Variants in CHST15 observed in about 807,000 individuals in gnomAD.
The protein encoded by CHST15 is B cell RAG associated protein (GALNAC4S-6ST).
A neutral mutation model predicts 53.6 loss-of-function variants in CHST15; 30 were observed. That is an observed-to-expected ratio of 0.56 (90% CI 0.42 to 0.76). The LOEUF (loss-of-function observed/expected upper bound fraction) is 0.76, where lower values mean the gene tolerates loss of function less well. Ranked by LOEUF, CHST15 falls within the 30% of genes least tolerant of loss-of-function variation. CHST15 has a pLI of 0.00. For synonymous variants in CHST15, 296 were observed against 289.8 expected (o/e 1.02, Z -0.22); for missense variants, 627 against 740.5 (o/e 0.85, Z 1.78).
chr10:124,019,444 A>G lies in CHST15; in HGVS notation c.1347+1812T>C, dbSNP rs1172494173. ...TGTGCTGGTCAAGCCACACACAAATAGAGTTTCTCCGAGACCCTGTGTCCC... is the reference window on the plus strand; with the variant it reads ...TGTGCTGGTCAAGCCACACACAAATGGAGTTTCTCCGAGACCCTGTGTCCC... On this transcript the variant is annotated intron_variant, in intron 6 of 7. Coordinates refer to ENST00000435907, the MANE Select transcript of CHST15 (RefSeq NM_001270764.2). This position sits in a 1 kb window ranked among gnomAD's most constrained non-coding sequence, Gnocchi z 4.6. Among the ~76,000 whole-genome samples, 1 of 152,092 alleles carries G rather than the reference A, an allele frequency of 6.6e-6. No homozygotes were observed. The highest frequency in any genetic ancestry group is 1.5e-5 in the Non-Finnish European group (1 of 68,028).
chr10:124,092,620 C>G (rs1490110250), intron 1 of CHST15, among the ~76,000 whole-genome samples: 1 of 152,224 alleles, frequency 6.6e-6, no homozygotes, highest in Non-Finnish European at 1.5e-5. Context: ...CTCTGGCCTC[C>G]CCGCCCGGAA....
chr10:124,055,634 G>A (rs192184347), intron 1 of CHST15, among the ~76,000 whole-genome samples: 17 of 152,244 alleles, frequency 1.1e-4, no homozygotes, highest in African/African-American at 4.1e-4. Context: ...AGGATCATTC[G>A]GGCACCCCTG....
chr10:124,059,770 G>A (rs185719776), intron 1 of CHST15, among the ~76,000 whole-genome samples: 4 of 152,284 alleles, frequency 2.6e-5, no homozygotes, highest in Non-Finnish European at 4.4e-5. Flanking sequence ...TTGCTGATCC[G>A]GGTAGTTCTA....
intron 1 of CHST15, among the ~76,000 whole-genome samples, 166 bp from the exon 2 acceptor site, chr10:124,046,890 G>A (rs1948022894): frequency 6.6e-6 from 1 of 152,146 alleles, no homozygotes; most frequent in Admixed American, 6.5e-5. Context: ...TAAAGGAAGA[G>A]GTTTCAGGTT....
intron 1 of CHST15, among the ~76,000 whole-genome samples, chr10:124,073,568 C>A (rs1468730196): frequency 6.6e-6 from 1 of 152,122 alleles, no homozygotes; most frequent in Admixed American, 6.6e-5. Flanking sequence ...AGGTTATACT[C>A]CAATTCCTTA....
At chr10:124,045,547 G>C in intron 2 of CHST15, 120 bp downstream of exon 2, 6 of 999,392 alleles carry the variant, frequency 6.0e-6, no homozygotes, top group Non-Finnish European at 9.0e-6. Flanking sequence ...AATGATCCTT[G>C]CTACATCTAA....
rs758588551 is a variant in CHST15, at chr10:124,046,055, T to A, written c.158A>T (p.Asn53Ile). 1 of 1,614,248 alleles carries A rather than the reference T, an allele frequency of 6.2e-7. No homozygotes were observed. Among genetic ancestry groups the A allele is most frequent in the South Asian group, 1.1e-5 (1 of 91,084 alleles). Residue 53 changes from asparagine to isoleucine, a missense_variant, in exon 2 of 8, where the codon AAC (asparagine) becomes ATC (isoleucine). Physicochemically the swap from Asn to Ile is moderately radical, Grantham distance 149. Around this residue, in one of 3 missense-constraint regions of CHST15, gnomAD observed 187 missense variants for 251.8 expected, o/e 0.74. Transcript: ENST00000435907. ...ILFRVDSKQM[N>I]LLAVLEVRTE... ...CCTCACTTCGAGAACAGCAAGCAAGTTCATCTGCTTACTGTCCACACGAAA... is the reference window on the plus strand; with the variant it reads ...CCTCACTTCGAGAACAGCAAGCAAGATCATCTGCTTACTGTCCACACGAAA...
At chr10:124,055,497 G>A (rs528050258) in intron 1 of CHST15, among the ~76,000 whole-genome samples, 10 of 152,240 alleles carry the variant, frequency 6.6e-5, no homozygotes, top group South Asian at 4.1e-4. Flanking sequence ...TCCAGACACC[G>A]GTGTCCAATT....
chr10:124,038,451 G>A, intron 5 of CHST15, 64 bp downstream of exon 5: 1 of 1,563,206 alleles, frequency 6.4e-7, no homozygotes, highest in Non-Finnish European at 8.8e-7. Flanking sequence ...TGTCATGAGA[G>A]GGGAACACTG....
In CHST15 at chr10:124,008,579, G is replaced by A. The variant is rs1382947090; in HGVS notation, c.*1570C>T. The A allele has an allele frequency of 3.9e-6, 4 of 1,013,968 alleles. No homozygotes were observed. Among genetic ancestry groups the A allele is most frequent in the South Asian group, 3.9e-5 (1 of 25,700 alleles). 62.8% of individuals were successfully genotyped at this position (1,013,968 alleles called of 1,614,324 possible). A position where few individuals can be genotyped will look rare whatever the true frequency, so the allele number is the denominator to read the frequency against. ...CGCTCAGAGCCCTCTGCACACCTTC[G>A]AACGGGCTGTGTGTCCCTTCTCTGA... On this transcript the variant is annotated 3_prime_UTR_variant, in exon 8 of 8. Transcript: ENST00000435907.
At chr10:124,017,847 T>G (rs899337603) in intron 6 of CHST15, among the ~76,000 whole-genome samples, 2 of 152,218 alleles carry the variant, frequency 1.3e-5, no homozygotes, top group African/African-American at 4.8e-5. Context: ...GAGTCTACAC[T>G]GGCTGAATCC....
At chr10:124,029,608 A>T (rs1947142997) in intron 5 of CHST15, among the ~76,000 whole-genome samples, 1 of 152,348 alleles carries the variant, frequency 6.6e-6, no homozygotes, top group South Asian at 2.1e-4. Context: ...GGCGTGGTTT[A>T]CAAAGCACCT....
chr10:124,038,742 G>A (rs1947620442), intron 4 of CHST15, 71 bp from the exon 5 acceptor site: 3 of 1,537,700 alleles, frequency 2.0e-6, no homozygotes, highest in Non-Finnish European at 2.7e-6. Flanking sequence ...CTAGGTGCCA[G>A]AGGCCACACC....
chr10:124,080,348 C>G (rs75615765), intron 1 of CHST15, among the ~76,000 whole-genome samples: 3,141 of 152,310 alleles, frequency 0.021, 97 homozygotes, highest in African/African-American at 0.072. Flanking sequence ...CAGCAGCACC[C>G]TCTGAACATT....
At chr10:124,021,434 A>G (rs1259894540) in intron 5 of CHST15, 22 bp from the exon 6 acceptor site, 1 of 1,594,818 alleles carries the variant, frequency 6.3e-7, no homozygotes, top group Non-Finnish European at 8.6e-7. Context: ...ATAAATGCAT[A>G]TTTTTACCAC....
intron 6 of CHST15, among the ~76,000 whole-genome samples, chr10:124,017,338 C>A (rs1946620410): frequency 6.6e-6 from 1 of 152,162 alleles, no homozygotes; most frequent in African/African-American, 2.4e-5. Context: ...CCAGGGCCTG[C>A]AGGGGAGGGC....
chr10:124,084,801 G>T (rs1949366755), intron 1 of CHST15, among the ~76,000 whole-genome samples: 1 of 152,228 alleles, frequency 6.6e-6, no homozygotes, highest in African/African-American at 2.4e-5. Flanking sequence ...ACAGAGGTCA[G>T]CCAGCTGCAG....
At chr10:124,089,803 C>A (rs1949549438) in intron 1 of CHST15, among the ~76,000 whole-genome samples, 1 of 152,182 alleles carries the variant, frequency 6.6e-6, no homozygotes, top group Non-Finnish European at 1.5e-5. Flanking sequence ...TCTACACAGC[C>A]AATTCCGCTT....
chr10:124,061,675 G>GAA (rs1948579235), intron 1 of CHST15, among the ~76,000 whole-genome samples: 2 of 151,698 alleles, frequency 1.3e-5, no homozygotes, highest in African/African-American at 4.9e-5. Flanking sequence ...AGATAATAAA[G>GAA]AAAAAATAAT....
Sources: allele counts gnomAD v4.1 joint callset (sites outside exome capture counted in the v4.1 genomes callset), GRCh38; gene constraint gnomAD v4.1.1; regional missense constraint gnomAD v4.1.1; non-coding constraint Gnocchi (gnomAD v3.1); transcripts MANE v1.5; gene names NCBI Gene and HGNC (gene_info 2026-07-23, HGNC 2026-07-21).